KAT2B: variants seen among roughly 807,000 people sequenced by gnomAD.
The protein encoded by KAT2B is histone acetyltransferase KAT2B.
In KAT2B, 36 loss-of-function variants were observed where a neutral mutation model predicts 105.9. The ratio of observed to expected loss-of-function variants is 0.34; its 90% CI spans 0.26 to 0.45. The LOEUF (loss-of-function observed/expected upper bound fraction) is 0.45. KAT2B is among the 20% of genes least tolerant of loss of function. The pLI, the probability that KAT2B is intolerant of heterozygous loss-of-function variation, is 1.00. For synonymous variants in KAT2B, 397 were observed against 377.9 expected (o/e 1.05, Z -0.59); for missense variants, 820 against 1,021.6 (o/e 0.80, Z 2.69).
intron 8 of KAT2B, among the ~76,000 whole-genome samples, chr3:20,121,673 T>C (rs73818820): frequency 0.012 from 1,776 of 146,110 alleles, 33 homozygotes; most frequent in East Asian, 0.04. Context: ...TAATTTATGG[T>C]ATATTTCAAA....
At chr3:20,101,237 T>C in intron 4 of KAT2B, 50 bp from the exon 5 acceptor site, 1 of 1,490,094 alleles carries the variant, frequency 6.7e-7, no homozygotes, top group South Asian at 1.1e-5. Flanking sequence ...GTGTTCAGAA[T>C]TAGTATGATT....
Position 20,125,934 on chromosome 3 carries a change from G to A in KAT2B, c.1443G>A (p.Arg481=), listed in dbSNP as rs1699395039. ...ETNFLSAHSA[R]DEAARLEERR... ...ATTTTCTGTCAGCACACTCGGCCAG[G>A]GATGAGGCGGCAAGGTTGGAAGAGC... is the stretch of plus-strand genomic sequence containing the variant. Residue 481 remains arginine (R), a synonymous_variant, in exon 10 of 18, where the codon AGG becomes AGA. Coordinates refer to ENST00000263754, the MANE Select transcript of KAT2B (RefSeq NM_003884.5). 1 of 1,613,958 alleles carries A rather than the reference G, an allele frequency of 6.2e-7. No individual in the cohort carries two copies. The highest frequency in any genetic ancestry group is 8.5e-7 in the Non-Finnish European group (1 of 1,179,990).
At chr3:20,147,825 G>A in intron 14 of KAT2B, 138 bp from the exon 15 acceptor site, 1 of 708,826 alleles carries the variant, frequency 1.4e-6, no homozygotes, top group South Asian at 1.9e-5. Flanking sequence ...GTAACTAATT[G>A]CCATTAATTT....
At chr3:20,081,804 C>T (rs56103847) in intron 2 of KAT2B, among the ~76,000 whole-genome samples, 6,469 of 150,564 alleles carry the variant, frequency 0.043, 177 homozygotes, top group Middle Eastern at 0.066. Context: ...AGAATAATAA[C>T]GAAGAATATC....
chr3:20,117,503 A>G (rs1699226936), intron 7 of KAT2B, among the ~76,000 whole-genome samples: 1 of 152,222 alleles, frequency 6.6e-6, no homozygotes, highest in South Asian at 2.1e-4. Context: ...TCACTCCAGT[A>G]TGCTTTGAAA....
chr3:20,133,287 G>GA (rs909967504), intron 11 of KAT2B, among the ~76,000 whole-genome samples: 174 of 152,156 alleles, frequency 1.1e-3, no homozygotes, highest in South Asian at 4.1e-4. Flanking sequence ...TGCATTACTG[G>GA]AAAAAAACTT....
At chr3:20,104,461 A>T (rs187176400) in intron 5 of KAT2B, among the ~76,000 whole-genome samples, 490 of 152,300 alleles carry the variant, frequency 3.2e-3, no homozygotes, top group Non-Finnish European at 5.3e-3. Flanking sequence ...GTAAAACCTC[A>T]CTGCCATGAC....
chr3:20,109,498 G>T (rs916745544), intron 5 of KAT2B, among the ~76,000 whole-genome samples: 1 of 152,070 alleles, frequency 6.6e-6, no homozygotes, highest in Non-Finnish European at 1.5e-5. Flanking sequence ...TAAACTTTTT[G>T]TAGAGATGGG....
At chr3:20,099,769 G>A in intron 3 of KAT2B, 93 bp from the exon 4 acceptor site, 1 of 664,474 alleles carries the variant, frequency 1.5e-6, no homozygotes, top group Non-Finnish European at 2.7e-6. Flanking sequence ...AAGAGAGAGA[G>A]AGAGAGACAG....
chr3:20,102,447 T>G (rs552820215), intron 5 of KAT2B, among the ~76,000 whole-genome samples: 5 of 152,324 alleles, frequency 3.3e-5, no homozygotes, highest in African/African-American at 1.2e-4. Context: ...ATGTAGAATT[T>G]TGTAGCCTTT....
At chr3:20,103,797 G>T (rs1447257410) in intron 5 of KAT2B, among the ~76,000 whole-genome samples, 2 of 152,210 alleles carry the variant, frequency 1.3e-5, no homozygotes, top group African/African-American at 2.4e-5. Flanking sequence ...TTAAGAAGTA[G>T]TAAAAATGGA....
At chr3:20,103,469 G>A (rs1418821871) in intron 5 of KAT2B, among the ~76,000 whole-genome samples, 1 of 152,108 alleles carries the variant, frequency 6.6e-6, no homozygotes, top group Middle Eastern at 3.2e-3. Flanking sequence ...GAGCGCAGTG[G>A]CATGATCATA....
At chr3:20,082,217 T>C (rs1349534033) in intron 2 of KAT2B, among the ~76,000 whole-genome samples, 1 of 151,950 alleles carries the variant, frequency 6.6e-6, no homozygotes, top group Non-Finnish European at 1.5e-5. Context: ...TTATTTTTAG[T>C]AGAGATGGGG....
chr3:20,070,042 G>A (rs1698292057), intron 1 of KAT2B, among the ~76,000 whole-genome samples: 1 of 152,108 alleles, frequency 6.6e-6, no homozygotes, highest in Non-Finnish European at 1.5e-5. Context: ...AGAACTCTGG[G>A]GGTAAGAGTT....
chr3:20,140,094 C>G (rs1699671038), intron 12 of KAT2B, 127 bp from the exon 13 acceptor site: 1 of 609,604 alleles, frequency 1.6e-6, no homozygotes, highest in African/African-American at 1.8e-5. Flanking sequence ...TAATCCTCTT[C>G]AGAATAGTAC....
Position 20,127,772 on chromosome 3 carries a change from T to C in KAT2B, c.1749+223T>C, listed in dbSNP as rs113445746. On this transcript the variant is annotated intron_variant, in intron 11 of 17. Transcript: ENST00000263754. ...TTTTCCACGGGTCAGATTAGGGCTA[T>C]GATTTTGGGATGAAACTGTTCCAGC... 2.7e-3 allele frequency among the ~76,000 whole-genome samples: 404 copies of C among 152,322 alleles called. 1 individual carries two copies. The highest frequency in any genetic ancestry group is 8.7e-3 in the African/African-American group (363 of 41,568).
intron 2 of KAT2B, among the ~76,000 whole-genome samples, chr3:20,082,290 C>G (rs2125187983): frequency 6.6e-6 from 1 of 152,296 alleles, no homozygotes; most frequent in South Asian, 2.1e-4. Context: ...CCTCCTCAGC[C>G]TCCCAGAGTG....
chr3:20,085,461 A>AT (rs1698595797), intron 2 of KAT2B, among the ~76,000 whole-genome samples: 1 of 151,896 alleles, frequency 6.6e-6, no homozygotes, highest in African/African-American at 2.4e-5. Flanking sequence ...ATATTTAAAC[A>AT]TTAATTTTTG....
At chr3:20,135,235 T>G (rs899565862) in intron 11 of KAT2B, among the ~76,000 whole-genome samples, 1 of 152,216 alleles carries the variant, frequency 6.6e-6, no homozygotes, top group Non-Finnish European at 1.5e-5. Context: ...AATGGAAGAA[T>G]AATTTGCAGA....
Sources: allele counts gnomAD v4.1 joint callset (sites outside exome capture counted in the v4.1 genomes callset), GRCh38; gene constraint gnomAD v4.1.1; transcripts MANE v1.5; gene names NCBI Gene and HGNC (gene_info 2026-07-23, HGNC 2026-07-21).